The following LGR5 variants were observed in gnomAD, a reference collection of about 807,000 sequenced individuals.
LGR5 encodes the protein leucine-rich repeat-containing G protein-coupled receptor 5.
A neutral mutation model predicts 76.7 loss-of-function variants in LGR5; 54 were observed. The ratio of observed to expected loss-of-function variants is 0.70; its 90% confidence interval spans 0.57 to 0.88. The LOEUF is 0.88. LGR5 is among the 40% of genes least tolerant of loss of function. LGR5 has a pLI of 0.00. For synonymous variants in LGR5, 406 were observed against 421.9 expected (o/e 0.96, Z 0.46); for missense variants, 1,078 against 1,073.3 (o/e 1.00, Z -0.06).
Position 71,585,820 on chromosome 12 carries a change from C to T in LGR5, c.*1086C>T, listed in dbSNP as rs1879294990. The T allele has an allele frequency of 6.6e-6, 1 of 152,320 alleles. No individual in the cohort carries two copies. The highest frequency in any genetic ancestry group is 6.5e-5 in the Admixed American group (1 of 15,296). The allele number at this position is 152,320 out of a possible 1,614,324, so 9.4% of individuals were successfully genotyped here. A position where few individuals can be genotyped will look rare whatever the true frequency, so the allele number is the denominator to read the frequency against. On this transcript the variant is annotated 3_prime_UTR_variant, in exon 18 of 18. Coordinates refer to ENST00000266674, the MANE Select transcript of LGR5 (RefSeq NM_003667.4). ...AGCTGTGTTCTCTCTGGATAACCCA[C>T]TTGATGTTAGGAACATTACTTCTCT...
At chr12:71,552,800 A>T (rs1264113878) in intron 4 of LGR5, among the ~76,000 whole-genome samples, 1 of 152,164 alleles carries the variant, frequency 6.6e-6, no homozygotes, top group East Asian at 1.9e-4. Context: ...AGGGGAGGCC[A>T]CTTCCATCCA....
At chr12:71,474,146 CA>C (rs5799042) in intron 1 of LGR5, among the ~76,000 whole-genome samples, 122,931 of 150,920 alleles carry the variant, frequency 0.81, 50,108 homozygotes, top group East Asian at 0.87. Flanking sequence ...AAACTAAATA[CA>C]AAAAAAAAAA....
intron 1 of LGR5, among the ~76,000 whole-genome samples, chr12:71,456,772 C>T (rs1411533122): frequency 6.6e-6 from 1 of 152,080 alleles, no homozygotes; most frequent in Non-Finnish European, 1.5e-5. Context: ...TTTTTAGCAA[C>T]CAATTTGGGG....
chr12:71,491,632 G>C (rs918075187), intron 1 of LGR5, among the ~76,000 whole-genome samples: 1 of 151,384 alleles, frequency 6.6e-6, no homozygotes, highest in African/African-American at 2.4e-5. Context: ...AGATTGACAG[G>C]TCTTGGTGTA....
At chr12:71,453,319 A>ACTGCACAG (rs1256835798) in intron 1 of LGR5, among the ~76,000 whole-genome samples, 4 of 152,212 alleles carry the variant, frequency 2.6e-5, no homozygotes, top group African/African-American at 9.6e-5. Flanking sequence ...ACACTGCACA[A>ACTGCACAG]ATCTCCAGGA....
intron 5 of LGR5, among the ~76,000 whole-genome samples, chr12:71,554,666 T>C (rs1877668430): frequency 6.6e-6 from 1 of 152,124 alleles, no homozygotes; most frequent in Non-Finnish European, 1.5e-5. Context: ...AGCTTGGAGG[T>C]TAAAGGCAAG....
At chr12:71,533,602 T>G (rs1305240689) in intron 3 of LGR5, among the ~76,000 whole-genome samples, 3 of 152,212 alleles carry the variant, frequency 2.0e-5, no homozygotes, top group Non-Finnish European at 4.4e-5. Context: ...AGTTTTCTTT[T>G]TCTCTGGCTC....
At chr12:71,450,309 T>C (rs1177227837) in intron 1 of LGR5, among the ~76,000 whole-genome samples, 1 of 152,212 alleles carries the variant, frequency 6.6e-6, no homozygotes, top group Admixed American at 6.5e-5. Flanking sequence ...GATATATACC[T>C]GAATTTTAAC....
At chr12:71,551,310 C>T (rs1164271152) in intron 4 of LGR5, among the ~76,000 whole-genome samples, 3 of 152,220 alleles carry the variant, frequency 2.0e-5, no homozygotes, top group Non-Finnish European at 4.4e-5. Flanking sequence ...TAGAAATGAG[C>T]TTCCTCCCAA....
intron 1 of LGR5, among the ~76,000 whole-genome samples, chr12:71,476,939 T>C (rs184784562): frequency 9.2e-5 from 14 of 152,138 alleles, no homozygotes; most frequent in Non-Finnish European, 1.3e-4. Context: ...ATTAAACAAA[T>C]GTTTATCTCA....
intron 11 of LGR5, among the ~76,000 whole-genome samples, chr12:71,569,229 C>A (rs1878490165): frequency 6.6e-6 from 1 of 152,202 alleles, no homozygotes; most frequent in African/African-American, 2.4e-5. Context: ...TAGTCAATGT[C>A]ATTCAGGACA....
intron 1 of LGR5, among the ~76,000 whole-genome samples, chr12:71,490,472 A>C (rs988877950): frequency 3.9e-5 from 6 of 152,212 alleles, no homozygotes; most frequent in Admixed American, 3.9e-4. Context: ...CAGAGATTAC[A>C]ATATTCGAGA....
At chr12:71,552,989 A>G in intron 4 of LGR5, 84 bp from the exon 5 acceptor site, 1 of 1,240,566 alleles carries the variant, frequency 8.1e-7, no homozygotes, top group Admixed American at 1.9e-5. Flanking sequence ...CTTGTTCATC[A>G]TGCATGGGGA....
chr12:71,446,253 C>T (rs1298435429), intron 1 of LGR5, among the ~76,000 whole-genome samples: 2 of 152,226 alleles, frequency 1.3e-5, no homozygotes, highest in South Asian at 2.1e-4. Flanking sequence ...AATTATTGTC[C>T]AGCCCCATTT....
At chr12:71,504,828 A>C in intron 2 of LGR5, 143 bp downstream of exon 2, 1 of 742,530 alleles carries the variant, frequency 1.3e-6, no homozygotes, top group Non-Finnish European at 2.4e-6. Flanking sequence ...GGAAACACTT[A>C]GTTGGGAGGG....
At chr12:71,531,456 T>A (rs1876303547) in intron 3 of LGR5, among the ~76,000 whole-genome samples, 1 of 152,250 alleles carries the variant, frequency 6.6e-6, no homozygotes, top group South Asian at 2.1e-4. Context: ...AGTTCCTTAT[T>A]TAGGGAGTGA....
chr12:71,566,150 GTAAC>G (rs1278874778), intron 8 of LGR5, among the ~76,000 whole-genome samples: 14 of 152,086 alleles, frequency 9.2e-5, no homozygotes. Flanking sequence ...TTTCTCCTTA[GTAAC>G]TATCACTCAT....
chr12:71,470,003 G>A (rs11178811), intron 1 of LGR5, among the ~76,000 whole-genome samples: 25,621 of 151,958 alleles, frequency 0.17, 2,456 homozygotes, highest in African/African-American at 0.26. Context: ...GTGACCCGCT[G>A]TGGGCTGACT....
chr12:71,478,873 G>A (rs1565675571), intron 1 of LGR5, among the ~76,000 whole-genome samples: 1 of 152,092 alleles, frequency 6.6e-6, no homozygotes, highest in Non-Finnish European at 1.5e-5. Flanking sequence ...TATATTCTGG[G>A]CACTTCAAAG....
Sources: allele counts gnomAD v4.1 joint callset (sites outside exome capture counted in the v4.1 genomes callset), GRCh38; gene constraint gnomAD v4.1.1; transcripts MANE v1.5; gene names NCBI Gene and HGNC (gene_info 2026-07-23, HGNC 2026-07-21).